The following FHOD3 variants were observed in gnomAD, a reference collection of about 807,000 sequenced individuals.
The protein encoded by FHOD3 is formin homology 2 domain containing 3, also known as FH1/FH2 domain-containing protein 3.
A neutral mutation model predicts 173.0 loss-of-function variants in FHOD3; 90 were observed. The ratio of observed to expected loss-of-function variants is 0.52; its 90% CI spans 0.44 to 0.62. The LOEUF (loss-of-function observed/expected upper bound fraction) is 0.62, where lower values mean the gene tolerates loss of function less well. FHOD3 is among the 20% of genes least tolerant of loss of function. The probability of loss-of-function intolerance (pLI) is 0.00; values close to 1 mark genes in which losing one functional copy is unlikely to be tolerated. For synonymous variants in FHOD3, 828 were observed against 823.0 expected (o/e 1.01, Z -0.10); for missense variants, 1,945 against 2,034.7 (o/e 0.96, Z 0.85).
intron 19 of FHOD3, among the ~76,000 whole-genome samples, chr18:36,728,100 CAGAA>C (rs1200561541): frequency 1.3e-5 from 2 of 152,112 alleles, no homozygotes; most frequent in Non-Finnish European, 2.9e-5. Flanking sequence ...AAACAAAAGC[CAGAA>C]CCAAGTCATG....
chr18:36,615,816 A>G (rs1014589929), intron 9 of FHOD3, among the ~76,000 whole-genome samples: 7 of 152,246 alleles, frequency 4.6e-5, no homozygotes, highest in African/African-American at 1.4e-4. Context: ...AGAGTGATGT[A>G]TAACTCACTA....
Position 36,756,446 on chromosome 18 carries a change from G to A in FHOD3, c.4425+1135G>A, listed in dbSNP as rs970236645. 6.6e-5 allele frequency among the ~76,000 whole-genome samples: 10 copies of A among 152,150 alleles called. No individual in the cohort carries two copies. The East Asian group carries it at 9.6e-4, about 15-fold the overall frequency. On this transcript the variant is annotated intron_variant, in intron 25 of 28. Coordinates refer to ENST00000590592, the MANE Select transcript of FHOD3 (RefSeq NM_001281740.3). ...TGAGGAAAGGATTAAGCCACAGGGC[G>A]TGCCATCATCTGGGCAGTTACACAT...
intron 3 of FHOD3, among the ~76,000 whole-genome samples, chr18:36,394,674 A>T (rs1326290662): frequency 6.6e-6 from 1 of 152,226 alleles, no homozygotes; most frequent in Non-Finnish European, 1.5e-5. Flanking sequence ...TTAGTGGTAG[A>T]GCAAGATGTT....
chr18:36,500,855 G>T (rs971323810), intron 3 of FHOD3, among the ~76,000 whole-genome samples: 1 of 152,112 alleles, frequency 6.6e-6, no homozygotes, highest in African/African-American at 2.4e-5. Context: ...GTCTGGCATC[G>T]GGTGCTAGGA....
At chr18:36,536,795 G>A (rs1417175317) in intron 5 of FHOD3, among the ~76,000 whole-genome samples, 2 of 152,200 alleles carry the variant, frequency 1.3e-5, no homozygotes, top group Non-Finnish European at 2.9e-5. Context: ...AGCCAGTCGG[G>A]ACACACTAAT....
intron 5 of FHOD3, among the ~76,000 whole-genome samples, chr18:36,568,971 G>C (rs1047714973): frequency 1.3e-5 from 2 of 152,078 alleles, no homozygotes; most frequent in African/African-American, 4.8e-5. Flanking sequence ...TTCCTGAAAT[G>C]AATAGAAAGA....
chr18:36,346,264 G>C (rs559470326), intron 1 of FHOD3, among the ~76,000 whole-genome samples: 1 of 152,148 alleles, frequency 6.6e-6, no homozygotes, highest in African/African-American at 2.4e-5. Context: ...TACTTGGGGG[G>C]CTGAGGCAGG....
At chr18:36,758,781 T>G (rs1600590337) in intron 25 of FHOD3, among the ~76,000 whole-genome samples, 1 of 152,190 alleles carries the variant, frequency 6.6e-6, no homozygotes, top group Non-Finnish European at 1.5e-5. Flanking sequence ...AGCAGGACAC[T>G]CTCAGCACGA....
intron 3 of FHOD3, among the ~76,000 whole-genome samples, chr18:36,430,906 A>C (rs956728594): frequency 3.5e-4 from 53 of 152,226 alleles, no homozygotes; most frequent in African/African-American, 1.2e-3. Flanking sequence ...CTGGATGCCA[A>C]AAACCTGCCA....
chr18:36,492,927 T>C (rs1445958597), intron 3 of FHOD3, among the ~76,000 whole-genome samples: 1 of 152,230 alleles, frequency 6.6e-6, no homozygotes, highest in Non-Finnish European at 1.5e-5. Flanking sequence ...TTGTTTACCT[T>C]ATTTTTATTG....
chr18:36,726,566 TATCCTCTTC>T (rs1209477389), intron 19 of FHOD3, among the ~76,000 whole-genome samples: 1 of 152,234 alleles, frequency 6.6e-6, no homozygotes, highest in South Asian at 2.1e-4. Context: ...CTCTGCTTTA[TATCCTCTTC>T]CCATCATTGA....
chr18:36,720,726 CCTTCTTCTT>C (rs1156329283), intron 19 of FHOD3, among the ~76,000 whole-genome samples: 1 of 119,090 alleles, frequency 8.4e-6, no homozygotes, highest in Admixed American at 9.0e-5. Flanking sequence ...TTCTCTTCCT[CCTTCTTCTT>C]CTCCTCCTCC....
intron 3 of FHOD3, among the ~76,000 whole-genome samples, chr18:36,453,595 C>T (rs758499712): frequency 5.9e-5 from 9 of 152,248 alleles, no homozygotes; most frequent in African/African-American, 1.2e-4. Flanking sequence ...GAATGTCACA[C>T]GCATGTGCCA....
chr18:36,549,532 CT>C (rs386387404), intron 5 of FHOD3, among the ~76,000 whole-genome samples: 4,832 of 70,940 alleles, frequency 0.068, 31 homozygotes, highest in South Asian at 0.15. Flanking sequence ...TCTAAGAAAT[CT>C]TTTTTTTTTT....
chr18:36,516,736 C>T (rs976392372), intron 5 of FHOD3, among the ~76,000 whole-genome samples: 4 of 152,130 alleles, frequency 2.6e-5, no homozygotes, highest in Non-Finnish European at 5.9e-5. Flanking sequence ...AGAGCAAGAC[C>T]CTGTTTTTAA....
rs1273931701 is a variant in FHOD3 at position 36,594,594 on chromosome 18, A to T, written c.607-193A>T. On this transcript the variant is annotated intron_variant, in intron 6 of 28. Coordinates refer to ENST00000590592, the MANE Select transcript of FHOD3 (RefSeq NM_001281740.3). ...TTTGTACCTCAGTTTCCTCATCTGC[A>T]CAATGGGGATGGTACTAACACCTGC... Among the ~76,000 whole-genome samples, 5 of 152,236 alleles carry T rather than the reference A, an allele frequency of 3.3e-5. No individual in the cohort carries two copies. In the South Asian group the frequency reaches 8.3e-4, roughly 25 times the overall value.
intron 3 of FHOD3, among the ~76,000 whole-genome samples, chr18:36,450,483 A>T (rs796547006): frequency 7.5e-4 from 92 of 122,944 alleles, no homozygotes; most frequent in African/African-American, 4.1e-3. Flanking sequence ...TTATTTATTT[A>T]TTTAATTTTT....
At chr18:36,552,871 G>A (rs2057718833) in intron 5 of FHOD3, among the ~76,000 whole-genome samples, 1 of 152,174 alleles carries the variant, frequency 6.6e-6, no homozygotes, top group Non-Finnish European at 1.5e-5. Context: ...TAGGAGTGAT[G>A]AGAGAAGGCA....
In FHOD3 at chr18:36,422,060, AG is replaced by A. The variant is rs1251151158; in HGVS notation, c.337+49317del. ...CATTCACATGGTTGCAACTTTGAGA[AG>A]TACACAGTGATTTATAGTAAAATAT... On this transcript the variant is annotated intron_variant, in intron 3 of 28. Transcript: ENST00000590592. Among the ~76,000 whole-genome samples the A allele has an allele frequency of 2.0e-5, 3 of 152,260 alleles. No individual in the cohort carries two copies. In the East Asian group the frequency reaches 5.8e-4, roughly 29 times the overall value.
Sources: allele counts gnomAD v4.1 joint callset (sites outside exome capture counted in the v4.1 genomes callset), GRCh38; gene constraint gnomAD v4.1.1; transcripts MANE v1.5; gene names NCBI Gene and HGNC (gene_info 2026-07-23, HGNC 2026-07-21).